The following PCTP variants were observed in gnomAD, a reference collection of about 807,000 sequenced individuals.
PCTP encodes the protein phosphatidylcholine transfer protein.
A neutral mutation model predicts 31.0 loss-of-function variants in PCTP; 27 were observed. The ratio of observed to expected loss-of-function variants is 0.87; its 90% CI spans 0.64 to 1.20. PCTP has a LOEUF of 1.20. PCTP is among the 50% of genes most tolerant of loss of function. PCTP has a pLI of 0.00. For missense variants in PCTP, 287 were observed against 268.2 expected (o/e 1.07, Z -0.49); for synonymous variants, 108 against 101.2 (o/e 1.07, Z -0.40).
exon 4 of PCTP, chr17:55,822,765 A>C (rs1905276985): frequency 8.1e-7 from 1 of 1,230,222 alleles, no homozygotes; most frequent in Non-Finnish European, 1.0e-6. Context: ...CTTTAGAATC[A>C]GAGCAGAACC....
downstream of PCTP, among the ~76,000 whole-genome samples, chr17:55,779,512 G>A (rs996881238): frequency 6.6e-5 from 10 of 152,146 alleles, no homozygotes; most frequent in Non-Finnish European, 1.2e-4. Flanking sequence ...CTGGAGCGCT[G>A]ACATGAAGGA....
chr17:55,815,792 A>G (rs747309783), intron 3 of PCTP, among the ~76,000 whole-genome samples: 23 of 152,212 alleles, frequency 1.5e-4, no homozygotes, highest in Non-Finnish European at 2.6e-4. Flanking sequence ...TCCTACTCCC[A>G]GGACATCTTT....
chr17:55,838,868 G>T (rs1349292233), intron 5 of PCTP, among the ~76,000 whole-genome samples: 1 of 152,110 alleles, frequency 6.6e-6, no homozygotes, highest in African/African-American at 2.4e-5. Context: ...TAAAAAGCTA[G>T]TCTATCTGTT....
chr17:55,797,139 AC>A (rs1308849413), intron 3 of PCTP, among the ~76,000 whole-genome samples: 1 of 152,008 alleles, frequency 6.6e-6, no homozygotes, highest in Non-Finnish European at 1.5e-5. Flanking sequence ...TCATTATCAC[AC>A]AGAAAAACAA....
At chr17:55,847,548 C>A (rs1906174366), downstream of PCTP, among the ~76,000 whole-genome samples, 2 of 152,170 alleles carry the variant, frequency 1.3e-5, no homozygotes, top group African/African-American at 4.8e-5. Flanking sequence ...CTTTGCCTTC[C>A]ACCATGATTG....
downstream of PCTP, among the ~76,000 whole-genome samples, chr17:55,843,587 C>T (rs188389442): frequency 2.6e-5 from 4 of 152,262 alleles, no homozygotes; most frequent in East Asian, 3.9e-4. Context: ...TCTCTTCCTC[C>T]GCATAGTTCT....
intron 3 of PCTP, among the ~76,000 whole-genome samples, chr17:55,811,180 T>C (rs957856028): frequency 2.6e-5 from 4 of 152,226 alleles, no homozygotes; most frequent in Non-Finnish European, 4.4e-5. Context: ...CAGTTCTGTG[T>C]CACCATTTCC....
chr17:55,751,625 G>A, intron 1 of PCTP: 2 of 762,538 alleles, frequency 2.6e-6, no homozygotes, highest in Admixed American at 3.2e-5. Context: ...GGGTGGGGGA[G>A]GGGCGGTATC....
At chr17:55,758,606 C>G (rs1248581182) in intron 1 of PCTP, among the ~76,000 whole-genome samples, 1 of 152,190 alleles carries the variant, frequency 6.6e-6, no homozygotes, top group Non-Finnish European at 1.5e-5. Context: ...CATTCTTGAG[C>G]CCTGGTCACT....
intron 3 of PCTP, among the ~76,000 whole-genome samples, chr17:55,794,790 A>G (rs1305257010): frequency 6.6e-6 from 1 of 151,988 alleles, no homozygotes; most frequent in Non-Finnish European, 1.5e-5. Context: ...CTGCCAAGAG[A>G]CCACAAGCTA....
At chr17:55,805,458 G>A (rs1003589237) in intron 3 of PCTP, among the ~76,000 whole-genome samples, 4 of 151,942 alleles carry the variant, frequency 2.6e-5, no homozygotes, top group Non-Finnish European at 5.9e-5. Flanking sequence ...AGAACATTCA[G>A]TATTTGATGT....
intron 3 of PCTP, among the ~76,000 whole-genome samples, chr17:55,790,603 T>G (rs1232408989): frequency 3.3e-5 from 5 of 150,796 alleles, no homozygotes; most frequent in Non-Finnish European, 5.9e-5. Context: ...ACAAGGGATG[T>G]GAAGGACCTC....
intron 3 of PCTP, among the ~76,000 whole-genome samples, chr17:55,788,354 A>G (rs931452810): frequency 1.3e-5 from 2 of 152,136 alleles, no homozygotes; most frequent in African/African-American, 4.8e-5. Flanking sequence ...CCTTCCTTCT[A>G]TGGAACACCT....
intron 3 of PCTP, among the ~76,000 whole-genome samples, chr17:55,802,849 A>T (rs1315360476): frequency 6.6e-6 from 1 of 152,170 alleles, no homozygotes; most frequent in Non-Finnish European, 1.5e-5. Flanking sequence ...TCAACATAGT[A>T]TTGGAAGTTC....
At chr17:55,813,856 A>G (rs1912830344) in intron 3 of PCTP, among the ~76,000 whole-genome samples, 1 of 152,136 alleles carries the variant, frequency 6.6e-6, no homozygotes, top group Non-Finnish European at 1.5e-5. Context: ...CAGCCTGGAC[A>G]ATATAGTGAG....
At chr17:55,762,382 G>A (rs2144928366) in intron 1 of PCTP, among the ~76,000 whole-genome samples, 1 of 152,164 alleles carries the variant, frequency 6.6e-6, no homozygotes, top group South Asian at 2.1e-4. Context: ...GCATCCGTGA[G>A]TCTTATCTAA....
At chr17:55,830,591 T>G (rs1364521548) in intron 5 of PCTP, among the ~76,000 whole-genome samples, 1 of 152,222 alleles carries the variant, frequency 6.6e-6, no homozygotes, top group East Asian at 1.9e-4. Context: ...AAAGATGGTT[T>G]CCTTTCCACC....
At chr17:55,788,038 C>T (rs9909822) in intron 3 of PCTP, among the ~76,000 whole-genome samples, 32,111 of 152,022 alleles carry the variant, frequency 0.21, 3,977 homozygotes, top group African/African-American at 0.35. Context: ...CTGGTTTATC[C>T]TTTTAAAACC....
chr17:55,847,726 G>A (rs114835916), downstream of PCTP, among the ~76,000 whole-genome samples: 2 of 152,138 alleles, frequency 1.3e-5, no homozygotes, highest in Admixed American at 6.5e-5. Context: ...TAATGTCTCT[G>A]TTCAAAGCAG....
Sources: allele counts gnomAD v4.1 joint callset (sites outside exome capture counted in the v4.1 genomes callset), GRCh38; gene constraint gnomAD v4.1.1; transcripts MANE v1.5; gene names NCBI Gene and HGNC (gene_info 2026-07-23, HGNC 2026-07-21).